The following RABGAP1L variants were observed in gnomAD, a reference collection of about 807,000 sequenced individuals.
RABGAP1L encodes the protein rab GTPase-activating protein 1-like.
A neutral mutation model predicts 137.7 loss-of-function variants in RABGAP1L; 63 were observed. The ratio of observed to expected loss-of-function variants is 0.46; its 90% CI spans 0.37 to 0.56. The LOEUF (loss-of-function observed/expected upper bound fraction) is 0.56, where lower values mean the gene tolerates loss of function less well. Among genes scored for constraint, RABGAP1L ranks in the 20% least tolerant of loss-of-function variants. The probability of loss-of-function intolerance (pLI) is 0.00; values close to 1 mark genes in which losing one functional copy is unlikely to be tolerated. For synonymous variants in RABGAP1L, 431 were observed against 433.7 expected, an observed-to-expected ratio of 0.99 and a Z score of 0.08; for missense variants, 1,095 against 1,244.0, an observed-to-expected ratio of 0.88 and a Z score of 1.80.
intron 18 of RABGAP1L, among the ~76,000 whole-genome samples, chr1:174,780,694 A>G (rs984174405): frequency 1.3e-4 from 19 of 148,528 alleles, no homozygotes; most frequent in South Asian, 2.2e-4. Flanking sequence ...CATTAGGTAT[A>G]TCTCCTAATG....
intron 14 of RABGAP1L, among the ~76,000 whole-genome samples, chr1:174,648,737 T>C (rs2148380561): frequency 6.6e-6 from 1 of 152,266 alleles, no homozygotes; most frequent in African/African-American, 2.4e-5. Flanking sequence ...AGAGCTGAGT[T>C]CAAGTCCTGA....
In RABGAP1L at chr1:174,645,688, T is replaced by C. The variant is rs61517353; in HGVS notation, c.1824+8200T>C. Among the ~76,000 whole-genome samples, 195 of 152,292 alleles carry C rather than the reference T, an allele frequency of 1.3e-3. 1 individual carries two copies. Among genetic ancestry groups the C allele is most frequent in the African/African-American group, 4.4e-3 (183 of 41,536 alleles). The stretch of plus-strand genomic sequence containing the variant: ...GTGCTGCAATAAACATATGTATGCA[T>C]GTGTCTTTATAGTAGAATGATTTAT... On this transcript the variant is annotated intron_variant, in intron 14 of 25. Transcript: ENST00000681986.
At chr1:174,502,925 A>G (rs1395086335) in intron 13 of RABGAP1L, among the ~76,000 whole-genome samples, 1 of 152,184 alleles carries the variant, frequency 6.6e-6, no homozygotes, top group Non-Finnish European at 1.5e-5. Context: ...GACAATAAAT[A>G]GTGATTAACC....
intron 13 of RABGAP1L, among the ~76,000 whole-genome samples, chr1:174,452,234 C>T (rs149877082): frequency 6.6e-6 from 1 of 152,216 alleles, no homozygotes; most frequent in African/African-American, 2.4e-5. Context: ...ACAATGCATT[C>T]TGTATTCTTT....
At chr1:174,348,275 G>T (rs1158084296) in intron 11 of RABGAP1L, among the ~76,000 whole-genome samples, 1 of 146,092 alleles carries the variant, frequency 6.8e-6, no homozygotes, top group Non-Finnish European at 1.5e-5. Context: ...ATACTATTAG[G>T]TTGGTGCAAA....
intron 13 of RABGAP1L, among the ~76,000 whole-genome samples, chr1:174,574,683 T>C (rs1414121215): frequency 6.6e-6 from 1 of 152,224 alleles, no homozygotes; most frequent in Admixed American, 6.5e-5. Context: ...TTATGCACGT[T>C]GATGTGGCAC....
intron 1 of RABGAP1L, among the ~76,000 whole-genome samples, chr1:174,181,479 A>T (rs746116861): frequency 6.6e-6 from 1 of 152,076 alleles, no homozygotes; most frequent in South Asian, 2.1e-4. Context: ...CTGGGACTAC[A>T]GGTGCCTGCC....
intron 11 of RABGAP1L, among the ~76,000 whole-genome samples, chr1:174,318,622 T>G (rs1679641507): frequency 6.8e-6 from 1 of 148,010 alleles, no homozygotes; most frequent in African/African-American, 2.5e-5. Flanking sequence ...CTTTCTTTCT[T>G]TCTTTCTTTC....
At chr1:174,611,112 A>G (rs923314666) in intron 13 of RABGAP1L, among the ~76,000 whole-genome samples, 2 of 148,574 alleles carry the variant, frequency 1.3e-5, no homozygotes, top group African/African-American at 2.6e-5. Context: ...TTTGTGTTTT[A>G]GACATGAAGT....
At chr1:174,973,972 G>GTTTTTT (rs1558297301) in intron 21 of RABGAP1L, among the ~76,000 whole-genome samples, 12 of 94,222 alleles carry the variant, frequency 1.3e-4, no homozygotes, top group African/African-American at 4.3e-4. Context: ...CAGTACAATT[G>GTTTTTT]TTTTTTGTTT....
intron 7 of RABGAP1L, among the ~76,000 whole-genome samples, chr1:174,256,558 A>G (rs1331516799): frequency 1.3e-5 from 2 of 152,146 alleles, no homozygotes; most frequent in African/African-American, 4.8e-5. Flanking sequence ...CGAGGCGGGC[A>G]GATCACGAGG....
intron 13 of RABGAP1L, among the ~76,000 whole-genome samples, chr1:174,536,712 T>C (rs1664923574): frequency 6.6e-6 from 1 of 152,154 alleles, no homozygotes; most frequent in Non-Finnish European, 1.5e-5. Context: ...CATGTTAAAA[T>C]AAAAATTTTT....
At chr1:174,807,821 G>A (rs111782967) in intron 18 of RABGAP1L, among the ~76,000 whole-genome samples, 2,607 of 152,096 alleles carry the variant, frequency 0.017, 81 homozygotes, top group African/African-American at 0.06. Flanking sequence ...GTGAGGCCAG[G>A]CACAGTGGTT....
chr1:174,684,583 G>T (rs1397675837), intron 15 of RABGAP1L, among the ~76,000 whole-genome samples: 1 of 152,170 alleles, frequency 6.6e-6, no homozygotes, highest in Non-Finnish European at 1.5e-5. Context: ...TTTGGAGCAA[G>T]GGAATAATAC....
chr1:174,703,994 ATTCTCTTTTCT>A (rs1329353937), intron 17 of RABGAP1L, among the ~76,000 whole-genome samples: 1 of 150,992 alleles, frequency 6.6e-6, no homozygotes, highest in Non-Finnish European at 1.5e-5. Flanking sequence ...TTCCTTTTCT[ATTCTCTTTTCT>A]TTCTCTTTTT....
At chr1:174,520,747 A>G (rs559807406) in intron 13 of RABGAP1L, among the ~76,000 whole-genome samples, 137 of 152,204 alleles carry the variant, frequency 9.0e-4, no homozygotes, top group Non-Finnish European at 1.6e-3. Flanking sequence ...TCAGGTCTGT[A>G]ATCCCAGCAC....
In RABGAP1L at chr1:174,201,301, A is replaced by G. The variant is rs1393199739; in HGVS notation, c.-33-17824A>G. Among the ~76,000 whole-genome samples the G allele has an allele frequency of 6.1e-5, 9 of 146,864 alleles. No homozygotes were observed. In the East Asian group the frequency reaches 1.6e-3, roughly 26 times the overall value. The stretch of plus-strand genomic sequence containing the variant: ...TTTGAGATGGAGTCTTACTCAAGTG[A>G]TTCTCCTGCCTCAGCCTCCCGAGTA... On this transcript the variant is annotated intron_variant, in intron 1 of 25. Transcript: ENST00000681986.
chr1:174,183,366 T>G (rs1456914026), intron 1 of RABGAP1L, among the ~76,000 whole-genome samples: 1 of 152,212 alleles, frequency 6.6e-6, no homozygotes, highest in Non-Finnish European at 1.5e-5. Flanking sequence ...GCTTAAGTGA[T>G]ACTCCTGCCT....
intron 12 of RABGAP1L, among the ~76,000 whole-genome samples, chr1:174,387,926 A>C (rs773954390): frequency 4.6e-5 from 7 of 152,090 alleles, no homozygotes; most frequent in Non-Finnish European, 5.9e-5. Flanking sequence ...ATGTCATGAT[A>C]TGAAAAGGGT....
Sources: allele counts gnomAD v4.1 joint callset (sites outside exome capture counted in the v4.1 genomes callset), GRCh38; gene constraint gnomAD v4.1.1; transcripts MANE v1.5; gene names NCBI Gene and HGNC (gene_info 2026-07-23, HGNC 2026-07-21).